PIM3: variants seen among roughly 807,000 people sequenced by gnomAD.
PIM3 encodes Pim-3 proto-oncogene, serine/threonine kinase.
In PIM3, 13 loss-of-function variants were observed where a neutral mutation model predicts 27.5. The observed-to-expected ratio is 0.47, with a 90% CI of 0.31 to 0.75. PIM3 has a LOEUF of 0.75. PIM3 is among the 30% of genes least tolerant of loss of function. The pLI is 0.05. For missense variants in PIM3, 482 were observed against 476.9 expected, an observed-to-expected ratio of 1.01 and a Z score of -0.10; for synonymous variants, 341 against 221.1, an observed-to-expected ratio of 1.54 and a Z score of -4.81.
chr22:49,961,955 C>G lies in PIM3; in HGVS notation c.616+144C>G. 2.3e-6 allele frequency: 3 copies of G among 1,285,640 alleles called. No homozygotes were observed. In the South Asian group the frequency reaches 4.2e-5, roughly 18 times the overall value. 79.6% of individuals were successfully genotyped at this position (1,285,640 alleles called of 1,614,324 possible). A position where few individuals can be genotyped will look rare whatever the true frequency, so the allele number is the denominator to read the frequency against. ...CTCGTGGGGAGCAGAGGCCCACGCGCTACCCTGGGGAGGGCTGAGCGAGGG... is the reference window on the plus strand; with the variant it reads ...CTCGTGGGGAGCAGAGGCCCACGCGGTACCCTGGGGAGGGCTGAGCGAGGG... On this transcript the variant is annotated intron_variant, in intron 4 of 5. Coordinates refer to ENST00000360612, the MANE Select transcript of PIM3 (RefSeq NM_001001852.4).
rs2060915489 is a variant in PIM3, at chr22:49,962,762, G to A, written c.690G>A (p.Ser230=). Reference sequence around the variant, plus strand: ...ACGGGCGCTCGGCCACCGTGTGGTCGCTGGGCGTGCTTCTCTACGATATGG... The same window carrying A: ...ACGGGCGCTCGGCCACCGTGTGGTCACTGGGCGTGCTTCTCTACGATATGG... The part of the protein sequence containing the change: ...RYHGRSATVW[S]LGVLLYDMVC... Residue 230 remains serine, a synonymous_variant, in exon 5 of 6, where the codon TCG becomes TCA. Transcript: ENST00000360612. 2 of 1,612,708 alleles carry A rather than the reference G, an allele frequency of 1.2e-6. No homozygotes were observed. Among genetic ancestry groups the A allele is most frequent in the Admixed American group, 1.7e-5 (1 of 60,016 alleles).
chr22:49,961,865 C>G, intron 4 of PIM3, 54 bp downstream of exon 4: 1 of 1,596,096 alleles, frequency 6.3e-7, no homozygotes, highest in Non-Finnish European at 8.5e-7. Context: ...GGCGGGTTAA[C>G]GCCTGCAGGG....
At position 49,960,859 on chromosome 22, in the gene PIM3, A is replaced by C; in HGVS notation, c.-89A>C. ...GCCGCGCGGACCGCCTCGGGCTCGG[A>C]CGGCCGGTGTCCCCGGCGCGCCGCT... On this transcript the variant is annotated 5_prime_UTR_variant, in exon 1 of 6. Coordinates refer to ENST00000360612, the MANE Select transcript of PIM3 (RefSeq NM_001001852.4). 2 of 982,922 alleles carry C rather than the reference A, an allele frequency of 2.0e-6. No homozygotes were observed. Among genetic ancestry groups the C allele is most frequent in the Non-Finnish European group, 1.2e-6 (1 of 801,604 alleles). 60.9% of individuals were successfully genotyped at this position (982,922 alleles called of 1,614,324 possible). A position where few individuals can be genotyped will look rare whatever the true frequency, so the allele number is the denominator to read the frequency against.
At chr22:49,961,879 G>T in intron 4 of PIM3, 68 bp downstream of exon 4, 1 of 1,580,532 alleles carries the variant, frequency 6.3e-7, no homozygotes, top group Admixed American at 1.8e-5. Context: ...TGCAGGGGCG[G>T]CACATGGAGG....
At position 49,962,852 on chromosome 22, in the gene PIM3, G is replaced by A. The variant is rs757994179; in HGVS notation, c.780G>A (p.Arg260=). 1.2e-6 allele frequency: 2 copies of A among 1,609,912 alleles called. No individual in the cohort carries two copies. Among genetic ancestry groups the A allele is most frequent in the Admixed American group, 1.7e-5 (1 of 59,914 alleles). Residue 260 remains arginine (R), a synonymous_variant, in exon 5 of 6, where the codon AGG becomes AGA. Transcript: ENST00000360612. ...EILRGRLLFR[R]RVSPECQQLI... is the part of the protein sequence containing the mutation. ...TCCGAGGCCGCCTGCTCTTCCGGAG[G>A]AGGGTCTCTCCAGGTGCGTGGTGGC...
rs1035116355 is a variant in PIM3, at chr22:49,960,969, T to G, written c.22T>G (p.Ser8Ala). 1.4e-6 allele frequency: 2 copies of G among 1,384,782 alleles called. No individual in the cohort carries two copies. The highest frequency in any genetic ancestry group is 3.0e-5 in the African/African-American group (2 of 66,728). The allele number at this position is 1,384,782 out of a possible 1,614,324, so 85.8% of individuals were successfully genotyped here. Residue 8 changes from serine to alanine, a missense_variant, in exon 1 of 6, where the codon TCC (serine) becomes GCC (alanine). Ser to Ala is a moderately conservative substitution (Grantham distance 99, BLOSUM62 1). Coordinates refer to ENST00000360612, the MANE Select transcript of PIM3 (RefSeq NM_001001852.4). ...CGCGATGCTGCTCTCCAAGTTCGGC[T>G]CCCTGGCGCACCTCTGCGGGCCCGG... MLLSKFGSLAHLCGPGGV... is the reference protein window; with the variant it reads MLLSKFGALAHLCGPGGV...
At chr22:49,961,979 G>A (rs117609476) in intron 4 of PIM3, among the ~76,000 whole-genome samples, 168 bp downstream of exon 4, 8,676 of 152,192 alleles carry the variant, frequency 0.057, 386 homozygotes, top group Admixed American at 0.14. Flanking sequence ...GCTGAGCGAG[G>A]GATCAAGAGC....
At position 49,960,971 on chromosome 22, in the gene PIM3, C is replaced by A; in HGVS notation, c.24C>A (p.Ser8=). Residue 8 remains serine (S), a synonymous_variant, in exon 1 of 6, where the codon TCC becomes TCA. Coordinates refer to ENST00000360612, the MANE Select transcript of PIM3 (RefSeq NM_001001852.4). Reference sequence around the variant, plus strand: ...CGATGCTGCTCTCCAAGTTCGGCTCCCTGGCGCACCTCTGCGGGCCCGGCG... The same window carrying A: ...CGATGCTGCTCTCCAAGTTCGGCTCACTGGCGCACCTCTGCGGGCCCGGCG... MLLSKFG[S]LAHLCGPGGV... 1.4e-6 allele frequency: 2 copies of A among 1,388,396 alleles called. No homozygotes were observed. The highest frequency in any genetic ancestry group is 3.4e-5 in the East Asian group (1 of 29,556). The allele number at this position is 1,388,396 out of a possible 1,614,324, so 86.0% of individuals were successfully genotyped here.
intron 1 of PIM3, 23 bp downstream of exon 1, chr22:49,961,055 CGGGG>C (rs2060903570): frequency 7.5e-7 from 1 of 1,336,620 alleles, no homozygotes; most frequent in Non-Finnish European, 9.6e-7. Flanking sequence ...CCGGCGGGGC[CGGGG>C]CCGGGGCCAG....
rs1481426238 is a variant in PIM3 at position 49,963,099 on chromosome 22, G to A, written c.953G>A (p.Ser318Asn). Residue 318 changes from serine to asparagine, a missense_variant, in exon 6 of 6, where the codon AGC becomes AAC. By Grantham distance (46) the Ser-to-Asn change is conservative. Transcript: ENST00000360612. ...LCTLDPDDVA[S>N]TTSSSESL Reference sequence around the variant, plus strand: ...ACCCTCGACCCTGATGACGTGGCCAGCACCACGTCCAGCAGCGAGAGCTTG... The same window carrying A: ...ACCCTCGACCCTGATGACGTGGCCAACACCACGTCCAGCAGCGAGAGCTTG... 1.9e-6 allele frequency: 3 copies of A among 1,609,076 alleles called. No homozygotes were observed. Among genetic ancestry groups the A allele is most frequent in the Non-Finnish European group, 1.7e-6 (2 of 1,178,336 alleles).
intron 4 of PIM3, among the ~76,000 whole-genome samples, chr22:49,962,390 G>C (rs988418098): frequency 2.0e-5 from 3 of 146,676 alleles, no homozygotes; most frequent in African/African-American, 7.6e-5. Context: ...CGGGCGGTAA[G>C]GGACCCGCGC....
rs745793304 is a variant in PIM3 at position 49,963,106 on chromosome 22, G to A, written c.960G>A (p.Thr320=). The A allele has an allele frequency of 1.9e-5, 31 of 1,606,794 alleles. No homozygotes were observed. Among genetic ancestry groups the A allele is most frequent in the Middle Eastern group, 1.7e-4 (1 of 5,928 alleles). Residue 320 remains threonine (T), a synonymous_variant, in exon 6 of 6, where the codon ACG becomes ACA. Coordinates refer to ENST00000360612, the MANE Select transcript of PIM3 (RefSeq NM_001001852.4). ...TLDPDDVAST[T]SSSESL ...ACCCTGATGACGTGGCCAGCACCAC[G>A]TCCAGCAGCGAGAGCTTGTGAGGAG... is the stretch of plus-strand genomic sequence containing the variant.
At position 49,963,163 on chromosome 22, in the gene PIM3, G is replaced by T. The variant is rs201470457; in HGVS notation, c.*36G>T. 86 of 1,521,112 alleles carry T rather than the reference G, an allele frequency of 5.7e-5. No homozygotes were observed. The East Asian group carries it at 1.8e-3, about 31-fold the overall frequency. The allele number at this position is 1,521,112 out of a possible 1,614,324, so 94.2% of individuals were successfully genotyped here. On this transcript the variant is annotated 3_prime_UTR_variant, in exon 6 of 6. Transcript: ENST00000360612. ...CTGACTGGGAGCTAGGGGACCACCT[G>T]CCTTGGCCAGACCTGGGACGCCCCC...
rs1423597634 is a variant in PIM3 at position 49,960,928 on chromosome 22, CG to C, written c.-16del. 3 of 1,293,192 alleles carry C rather than the reference CG, an allele frequency of 2.3e-6. No homozygotes were observed. The highest frequency in any genetic ancestry group is 2.0e-6 in the Non-Finnish European group (2 of 1,011,598). The allele number at this position is 1,293,192 out of a possible 1,614,324, so 80.1% of individuals were successfully genotyped here. A position where few individuals can be genotyped will look rare whatever the true frequency, so the allele number is the denominator to read the frequency against. Reference sequence around the variant, plus strand: ...CTTCGGCGCCTGGGGCTCGGGGCTCCGGGGAGGCCGTCGCCCGCGATGCTGC... The same window carrying C: ...CTTCGGCGCCTGGGGCTCGGGGCTCCGGGAGGCCGTCGCCCGCGATGCTGC... On this transcript the variant is annotated 5_prime_UTR_variant, in exon 1 of 6. Transcript: ENST00000360612.
chr22:49,961,039 G>T lies in PIM3; in HGVS notation c.85+7G>T. The T allele has an allele frequency of 1.5e-6, 2 of 1,344,994 alleles. No individual in the cohort carries two copies. Among genetic ancestry groups the T allele is most frequent in the East Asian group, 3.5e-5 (1 of 28,740 alleles). The allele number at this position is 1,344,994 out of a possible 1,614,324, so 83.3% of individuals were successfully genotyped here. On this transcript the variant is annotated splice_region_variant and intron_variant, in intron 1 of 5. Transcript: ENST00000360612. The stretch of plus-strand genomic sequence containing the variant: ...GTGAAGATCCTGCAGCCAGGTACGC[G>T]CGGGGCCGGCGGGGCCGGGGCCGGG...
chr22:49,962,543 G>T (rs2060914027), intron 4 of PIM3, 146 bp from the exon 5 acceptor site: 9 of 974,722 alleles, frequency 9.2e-6, no homozygotes, highest in Non-Finnish European at 1.3e-5. Context: ...GCCTGCCGGG[G>T]TTTTTCCAGG....
rs139268901 is a variant in PIM3, at chr22:49,961,771, G to C, written c.576G>C (p.Ser192=). Residue 192 remains serine, a synonymous_variant, in exon 4 of 6, where the codon TCG becomes TCC. Coordinates refer to ENST00000360612, the MANE Select transcript of PIM3 (RefSeq NM_001001852.4). The stretch of plus-strand genomic sequence containing the variant: ...AGCTCAAGCTCATCGACTTCGGTTC[G>C]GGTGCGCTGCTCAAGGACACGGTCT... ...SGELKLIDFG[S]GALLKDTVYT... is the part of the protein sequence containing the mutation. 81 of 1,611,922 alleles carry C rather than the reference G, an allele frequency of 5.0e-5. 1 individual carries two copies. In the South Asian group the frequency reaches 6.5e-4, roughly 13 times the overall value.
chr22:49,960,992 C>A lies in PIM3; in HGVS notation c.45C>A (p.Pro15=). ...KFGSLAHLCG[P]GGVDHLPVKI... is the part of the protein sequence containing the mutation. ...GCTCCCTGGCGCACCTCTGCGGGCC[C>A]GGCGGCGTGGACCACCTCCCGGTGA... is the stretch of plus-strand genomic sequence containing the variant. Residue 15 remains proline (P), a synonymous_variant, in exon 1 of 6, where the codon CCC becomes CCA. Coordinates refer to ENST00000360612, the MANE Select transcript of PIM3 (RefSeq NM_001001852.4). 2 of 1,396,294 alleles carry A rather than the reference C, an allele frequency of 1.4e-6. No individual in the cohort carries two copies. 86.5% of individuals were successfully genotyped at this position (1,396,294 alleles called of 1,614,324 possible).
intron 5 of PIM3, 34 bp downstream of exon 5, chr22:49,962,899 C>T (rs756692068): frequency 2.5e-5 from 40 of 1,598,704 alleles, no homozygotes; most frequent in African/African-American, 2.4e-4. Context: ...GTGGGGGCCT[C>T]GCCCTGCTTG....
Sources: gnomAD v4.1 joint callset for allele counts (sites outside exome capture counted in the v4.1 genomes callset) on GRCh38, gnomAD v4.1.1 for gene constraint, MANE v1.5 for transcripts, NCBI Gene and HGNC (gene_info 2026-07-23, HGNC 2026-07-21) for gene names.